ZMYM2: variants seen among roughly 807,000 people sequenced by gnomAD.
ZMYM2 encodes the protein zinc finger MYM-type containing 2, also known as zinc finger MYM-type protein 2.
ZMYM2 carries 56 observed loss-of-function variants against 162.8 expected under a neutral mutation model. The observed-to-expected ratio is 0.34, with a 90% CI of 0.28 to 0.43. The LOEUF is 0.43. Ranked by LOEUF, ZMYM2 falls within the 20% of genes least tolerant of loss-of-function variation. The pLI is 1.00. For synonymous variants in ZMYM2, 510 were observed against 541.6 expected, an observed-to-expected ratio of 0.94 and a Z score of 0.81; for missense variants, 1,275 against 1,621.8, an observed-to-expected ratio of 0.79 and a Z score of 3.67.
chr13:20,078,771 A>G (rs931250340), intron 21 of ZMYM2, among the ~76,000 whole-genome samples: 1 of 151,214 alleles, frequency 6.6e-6, no homozygotes, highest in African/African-American at 2.4e-5. Context: ...ATATTTTTAT[A>G]TTATATGTTG....
chr13:19,906,418 T>C, the ZMYM2 span, among the ~76,000 whole-genome samples: 11 of 146,846 alleles, frequency 7.5e-5, no homozygotes, highest in African/African-American at 2.2e-4. Flanking sequence ...TGCCGTTTGC[T>C]AGCTGTCTTT....
At chr13:19,987,303 G>A (rs957598292) in intron 2 of ZMYM2, among the ~76,000 whole-genome samples, 1 of 150,472 alleles carries the variant, frequency 6.6e-6, no homozygotes, top group Non-Finnish European at 1.5e-5. Flanking sequence ...TCTCACCGTC[G>A]CCCAGGCTGG....
the ZMYM2 span, among the ~76,000 whole-genome samples, chr13:19,908,787 T>G: frequency 3.3e-5 from 5 of 152,254 alleles, no homozygotes; most frequent in Admixed American, 6.5e-5. Flanking sequence ...TGGCTATTTC[T>G]GCATTAAATA....
At chr13:20,016,049 A>AT (rs572072476) in intron 6 of ZMYM2, among the ~76,000 whole-genome samples, 23 of 150,286 alleles carry the variant, frequency 1.5e-4, no homozygotes, top group South Asian at 1.3e-3. Context: ...CCATTTTTCT[A>AT]TTTTTTTTCG....
intron 14 of ZMYM2, among the ~76,000 whole-genome samples, chr13:20,056,864 C>T (rs1037185547): frequency 6.6e-6 from 1 of 152,136 alleles, no homozygotes; most frequent in Non-Finnish European, 1.5e-5. Context: ...CTACTGAGAA[C>T]ATGCCTTGAG....
chr13:19,945,341 TC>T, the ZMYM2 span, among the ~76,000 whole-genome samples: 1 of 152,008 alleles, frequency 6.6e-6, no homozygotes, highest in Non-Finnish European at 1.5e-5. Context: ...AACCTCTGCC[TC>T]CCGGGTTCAA....
chr13:19,931,731 C>T, the ZMYM2 span, among the ~76,000 whole-genome samples: 1 of 152,198 alleles, frequency 6.6e-6, no homozygotes, highest in Non-Finnish European at 1.5e-5. Flanking sequence ...TCAAGTGATG[C>T]TCCCACCTCA....
chr13:19,942,728 A>G, the ZMYM2 span, among the ~76,000 whole-genome samples: 1,548 of 152,148 alleles, frequency 0.01, 92 homozygotes, highest in Admixed American at 0.095. Flanking sequence ...ATCAATCAAT[A>G]AAAAGTAATT....
At chr13:20,020,424 T>TAGGGTTTCTCC (rs1951981567) in intron 7 of ZMYM2, among the ~76,000 whole-genome samples, 1 of 151,834 alleles carries the variant, frequency 6.6e-6, no homozygotes, top group African/African-American at 2.4e-5. Context: ...TTAGTAGAGA[T>TAGGGTTTCTCC]AGGGTTTCTC....
chr13:20,086,281 A>G lies in ZMYM2; in HGVS notation c.*267A>G, dbSNP rs368580420. On this transcript the variant is annotated 3_prime_UTR_variant, in exon 25 of 25. Transcript: ENST00000610343. ...GTATGTTTGTAACTTTTTACATTAC[A>G]GAATATGAATGAGAATGTGCCATGT... 9.6e-5 allele frequency: 28 copies of G among 291,380 alleles called. No individual in the cohort carries two copies. In the East Asian group the frequency reaches 1.0e-3, roughly 11 times the overall value. The allele number at this position is 291,380 out of a possible 1,614,324, so 18.0% of individuals were successfully genotyped here.
At chr13:20,044,837 G>T (rs1002444078) in intron 12 of ZMYM2, among the ~76,000 whole-genome samples, 1 of 151,878 alleles carries the variant, frequency 6.6e-6, no homozygotes, top group East Asian at 1.9e-4. Context: ...ATCACTTGAG[G>T]TCAGGAGTTC....
intron 21 of ZMYM2, among the ~76,000 whole-genome samples, chr13:20,079,523 G>A (rs1356708231): frequency 2.6e-5 from 4 of 151,984 alleles, no homozygotes; most frequent in African/African-American, 9.7e-5. Flanking sequence ...CTCATTGGTT[G>A]CAAGGGCTTT....
At chr13:19,955,883 A>G (rs544114249), upstream of ZMYM2, among the ~76,000 whole-genome samples, 81 of 152,324 alleles carry the variant, frequency 5.3e-4, no homozygotes, top group African/African-American at 1.9e-3. Flanking sequence ...TTTGAAATAC[A>G]AGTCTTTTGC....
At chr13:19,939,377 A>G in the ZMYM2 span, among the ~76,000 whole-genome samples, 1 of 152,096 alleles carries the variant, frequency 6.6e-6, no homozygotes, top group Non-Finnish European at 1.5e-5. Context: ...AAATTTAAAA[A>G]AAAGTATAAT....
At chr13:19,999,144 T>C (rs1214033406) in intron 3 of ZMYM2, among the ~76,000 whole-genome samples, 2 of 152,206 alleles carry the variant, frequency 1.3e-5, no homozygotes, top group Non-Finnish European at 2.9e-5. Flanking sequence ...TACTGTGCTG[T>C]GCTGAACCTT....
intron 4 of ZMYM2, among the ~76,000 whole-genome samples, chr13:20,003,585 T>A (rs1448906374): frequency 6.6e-6 from 1 of 152,146 alleles, no homozygotes; most frequent in Non-Finnish European, 1.5e-5. Flanking sequence ...TTAGCCAGCC[T>A]TAGAAAGGCA....
the ZMYM2 span, among the ~76,000 whole-genome samples, chr13:19,941,318 A>C: frequency 7.8e-4 from 114 of 146,448 alleles, no homozygotes; most frequent in Non-Finnish European, 1.5e-3. Flanking sequence ...AACAAACAAA[A>C]AAACAAAAAA....
intron 9 of ZMYM2, among the ~76,000 whole-genome samples, chr13:20,030,862 G>T (rs1809729796): frequency 6.6e-6 from 1 of 152,134 alleles, no homozygotes; most frequent in Non-Finnish European, 1.5e-5. Flanking sequence ...TGGTAGACTT[G>T]GAATGAAAAT....
intron 4 of ZMYM2, among the ~76,000 whole-genome samples, chr13:20,004,766 A>G (rs1478304528): frequency 3.0e-4 from 46 of 152,308 alleles, no homozygotes; most frequent in Admixed American, 1.5e-3. Flanking sequence ...AATCCTTAAC[A>G]TTAATTCCAT....
Sources: gnomAD v4.1 joint callset for allele counts (sites outside exome capture counted in the v4.1 genomes callset) on GRCh38, gnomAD v4.1.1 for gene constraint, MANE v1.5 for transcripts, NCBI Gene and HGNC (gene_info 2026-07-23, HGNC 2026-07-21) for gene names.